The following CLVS1 variants were observed in gnomAD, a reference collection of about 807,000 sequenced individuals.
CLVS1 encodes the protein clavesin-1.
A neutral mutation model predicts 33.1 loss-of-function variants in CLVS1; 10 were observed. That is an observed-to-expected ratio of 0.30 (90% CI 0.19 to 0.51). The LOEUF (loss-of-function observed/expected upper bound fraction) is 0.51, where lower values mean the gene tolerates loss of function less well. CLVS1 is among the 20% of genes least tolerant of loss of function. CLVS1 has a pLI of 0.97. For synonymous variants in CLVS1, 163 were observed against 166.1 expected, an observed-to-expected ratio of 0.98 and a Z score of 0.14; for missense variants, 343 against 433.4, an observed-to-expected ratio of 0.79 and a Z score of 1.85.
chr8:61,463,569 G>A (rs2129607394), intron 5 of CLVS1, among the ~76,000 whole-genome samples: 1 of 152,258 alleles, frequency 6.6e-6, no homozygotes. Flanking sequence ...TTGCAATACT[G>A]TTGTGTCTCA....
the CLVS1 span, among the ~76,000 whole-genome samples, chr8:60,999,919 A>T: frequency 6.6e-6 from 1 of 152,216 alleles, no homozygotes; most frequent in Admixed American, 6.5e-5. Context: ...GAGAAAGTCT[A>T]ACAACTTTCT....
intron 1 of CLVS1, among the ~76,000 whole-genome samples, chr8:61,104,242 A>T (rs975521901): frequency 5.3e-5 from 8 of 152,248 alleles, no homozygotes; most frequent in Non-Finnish European, 1.0e-4. Context: ...CAGCAAAAGA[A>T]GAAACCTGGT....
the CLVS1 span, among the ~76,000 whole-genome samples, chr8:61,000,737 G>A: frequency 6.6e-6 from 1 of 152,162 alleles, no homozygotes; most frequent in African/African-American, 2.4e-5. Flanking sequence ...GTCAAGCCAG[G>A]GGTCAGGTTT....
At chr8:61,013,167 C>T in the CLVS1 span, among the ~76,000 whole-genome samples, 1 of 152,202 alleles carries the variant, frequency 6.6e-6, no homozygotes, top group African/African-American at 2.4e-5. Context: ...TCGGTCCTTC[C>T]TGGCCATTCG....
intron 2 of CLVS1, among the ~76,000 whole-genome samples, chr8:61,347,814 T>C (rs952756791): frequency 1.4e-4 from 21 of 151,088 alleles, no homozygotes; most frequent in African/African-American, 4.6e-4. Context: ...CTGAATCATA[T>C]GATAGTTCTA....
intron 2 of CLVS1, among the ~76,000 whole-genome samples, chr8:61,144,121 T>C (rs534529611): frequency 1.3e-5 from 2 of 152,132 alleles, no homozygotes; most frequent in East Asian, 3.9e-4. Flanking sequence ...TACATAGGTA[T>C]ACACATCCCA....
At chr8:61,132,585 C>T (rs1359185904) in intron 2 of CLVS1, among the ~76,000 whole-genome samples, 1 of 152,218 alleles carries the variant, frequency 6.6e-6, no homozygotes, top group Non-Finnish European at 1.5e-5. Flanking sequence ...TCACAGATGT[C>T]AGCATCTGAT....
upstream of CLVS1, among the ~76,000 whole-genome samples, chr8:61,286,385 A>G (rs1237197379): frequency 6.6e-6 from 1 of 152,232 alleles, no homozygotes; most frequent in African/African-American, 2.4e-5. Flanking sequence ...GCCATAGAGC[A>G]TAGAACTTAC....
At chr8:61,275,474 G>T (rs1016644255) in intron 2 of CLVS1, among the ~76,000 whole-genome samples, 4 of 152,184 alleles carry the variant, frequency 2.6e-5, no homozygotes, top group African/African-American at 9.7e-5. Context: ...TGCATACATG[G>T]TTGTATTTAT....
At chr8:61,380,702 A>G (rs940709650) in intron 3 of CLVS1, among the ~76,000 whole-genome samples, 93 of 152,168 alleles carry the variant, frequency 6.1e-4, no homozygotes, top group African/African-American at 2.1e-3. Context: ...AGTAATATTT[A>G]TGCTACCATT....
At chr8:61,390,715 CT>C (rs2129602702) in intron 3 of CLVS1, among the ~76,000 whole-genome samples, 1 of 151,994 alleles carries the variant, frequency 6.6e-6, no homozygotes, top group East Asian at 1.9e-4. Context: ...TGTTAATGTA[CT>C]TTAGCCATTT....
At chr8:61,311,437 G>A (rs370038575) in intron 2 of CLVS1, among the ~76,000 whole-genome samples, 1 of 152,068 alleles carries the variant, frequency 6.6e-6, no homozygotes, top group East Asian at 1.9e-4. Flanking sequence ...TTGCACTCAG[G>A]ACCTTACAAA....
chr8:61,206,486 C>A (rs1807844033), intron 2 of CLVS1, among the ~76,000 whole-genome samples: 1 of 152,198 alleles, frequency 6.6e-6, no homozygotes, highest in Non-Finnish European at 1.5e-5. Flanking sequence ...AAATAAATAT[C>A]ACTTCCACTG....
At chr8:61,248,631 A>G (rs952682447) in intron 2 of CLVS1, among the ~76,000 whole-genome samples, 84 of 142,982 alleles carry the variant, frequency 5.9e-4, no homozygotes, top group African/African-American at 2.4e-3. Flanking sequence ...CATTTTTTTA[A>G]TCACCAAGTC....
intron 3 of CLVS1, among the ~76,000 whole-genome samples, chr8:61,428,838 A>G (rs538515947): frequency 6.6e-6 from 1 of 152,310 alleles, no homozygotes; most frequent in South Asian, 2.1e-4. Flanking sequence ...TTGATCCACA[A>G]CTGGTTGAAA....
chr8:61,279,850 T>C (rs1809635459), intron 2 of CLVS1, among the ~76,000 whole-genome samples: 1 of 152,194 alleles, frequency 6.6e-6, no homozygotes, highest in African/African-American at 2.4e-5. Flanking sequence ...TTAATGTGAA[T>C]TCAGAAATAA....
At chr8:61,250,353 A>T (rs915923762) in intron 2 of CLVS1, among the ~76,000 whole-genome samples, 3 of 152,198 alleles carry the variant, frequency 2.0e-5, no homozygotes, top group Admixed American at 6.5e-5. Flanking sequence ...AGGTAGCATG[A>T]TGCCTTCAGC....
the CLVS1 span, chr8:60,965,744 C>T: frequency 1.3e-5 from 2 of 152,366 alleles, no homozygotes; most frequent in East Asian, 1.9e-4. Context: ...ATTTCTGATT[C>T]GTGGTGCATG....
At chr8:61,228,436 A>G (rs1296658480) in intron 2 of CLVS1, among the ~76,000 whole-genome samples, 1 of 152,206 alleles carries the variant, frequency 6.6e-6, no homozygotes, top group East Asian at 1.9e-4. Context: ...ATGTAAGTTG[A>G]AAATGGATTT....
Sources: gnomAD v4.1 joint callset for allele counts (sites outside exome capture counted in the v4.1 genomes callset) on GRCh38, gnomAD v4.1.1 for gene constraint, MANE v1.5 for transcripts, NCBI Gene and HGNC (gene_info 2026-07-23, HGNC 2026-07-21) for gene names.